Variants in PPP1R12B observed in about 807,000 individuals in gnomAD.
The protein encoded by PPP1R12B is myosin phosphatase target subunit 2.
In PPP1R12B, 76 loss-of-function variants were observed where a neutral mutation model predicts 126.1. That is an observed-to-expected ratio of 0.60 (90% confidence interval 0.50 to 0.73). The LOEUF (loss-of-function observed/expected upper bound fraction) is 0.73, where lower values mean the gene tolerates loss of function less well. PPP1R12B is among the 30% of genes least tolerant of loss of function. The pLI is 0.00. For missense variants in PPP1R12B, 1,052 were observed against 1,205.1 expected (o/e 0.87, Z 1.88); for synonymous variants, 356 against 434.7 (o/e 0.82, Z 2.25).
intron 3 of PPP1R12B, among the ~76,000 whole-genome samples, chr1:202,422,970 G>T (rs534205834): frequency 6.6e-6 from 1 of 152,206 alleles, no homozygotes; most frequent in Admixed American, 6.5e-5. Flanking sequence ...CCATTCAGAG[G>T]TTGCATACCC....
intron 18 of PPP1R12B, among the ~76,000 whole-genome samples, chr1:202,499,109 G>T (rs1293918772): frequency 1.3e-5 from 2 of 151,958 alleles, no homozygotes; most frequent in Non-Finnish European, 2.9e-5. Flanking sequence ...CCCAAATCAA[G>T]ATATAGAACT....
intron 23 of PPP1R12B, chr1:202,574,955 T>C: frequency 1.3e-6 from 2 of 1,521,336 alleles, no homozygotes; most frequent in Non-Finnish European, 1.8e-6. Context: ...CTGTCTTGTC[T>C]CTCTCTGTCT....
chr1:202,450,840 G>T (rs1672831876), intron 13 of PPP1R12B, among the ~76,000 whole-genome samples: 1 of 152,096 alleles, frequency 6.6e-6, no homozygotes, highest in Non-Finnish European at 1.5e-5. Context: ...TTGCTATTCT[G>T]GGTCTTTTGT....
intron 18 of PPP1R12B, among the ~76,000 whole-genome samples, chr1:202,545,012 C>T (rs1157062354): frequency 6.6e-6 from 1 of 152,206 alleles, no homozygotes; most frequent in Non-Finnish European, 1.5e-5. Context: ...AAGTACCAAA[C>T]AGTTATTTAG....
chr1:202,539,365 T>C (rs911766443), intron 18 of PPP1R12B, among the ~76,000 whole-genome samples: 2 of 152,102 alleles, frequency 1.3e-5, no homozygotes, highest in Non-Finnish European at 2.9e-5. Flanking sequence ...TGCCCTTGGC[T>C]CCTCTCCAGC....
intron 1 of PPP1R12B, among the ~76,000 whole-genome samples, chr1:202,382,502 A>AAG (rs201434454): frequency 6.6e-6 from 1 of 151,076 alleles, no homozygotes; most frequent in Non-Finnish European, 1.5e-5. Context: ...AAAAAAAAAA[A>AAG]GAAACAAATC....
At chr1:202,559,697 T>A (rs1381082032) in intron 19 of PPP1R12B, among the ~76,000 whole-genome samples, 2 of 152,188 alleles carry the variant, frequency 1.3e-5, no homozygotes, top group Non-Finnish European at 2.9e-5. Context: ...TATAATTTGT[T>A]TGGTATTGAG....
chr1:202,453,219 C>T (rs961214945), intron 13 of PPP1R12B, among the ~76,000 whole-genome samples: 1 of 152,016 alleles, frequency 6.6e-6, no homozygotes, highest in African/African-American at 2.4e-5. Flanking sequence ...AATGCTATTT[C>T]AGCATCAATT....
chr1:202,562,862 G>C lies in PPP1R12B; in HGVS notation c.2592G>C (p.Glu864Asp), dbSNP rs145788398. ...ASARARREAR[E>D]ARLATLTSRV... is the part of the protein sequence containing the mutation. ...CAAGAGCCCGTCGGGAGGCCCGGGA[G>C]GCCCGCCTAGCCACCCTGACCAGCC... Residue 864 changes from glutamate to aspartate, a missense_variant, in exon 20 of 24, where the codon GAG becomes GAC. Physicochemically the swap from Glu to Asp is conservative, Grantham distance 45 (BLOSUM62 2). Transcript: ENST00000608999. 1 of 1,612,948 alleles carries C rather than the reference G, an allele frequency of 6.2e-7. No homozygotes were observed. The highest frequency in any genetic ancestry group is 1.3e-5 in the African/African-American group (1 of 74,966).
chr1:202,470,578 T>C (rs1259800921), intron 13 of PPP1R12B, among the ~76,000 whole-genome samples: 1 of 152,196 alleles, frequency 6.6e-6, no homozygotes, highest in Non-Finnish European at 1.5e-5. Context: ...TTTGAGATCA[T>C]GCTATATATG....
At chr1:202,392,528 CT>C (rs923432085) in intron 1 of PPP1R12B, among the ~76,000 whole-genome samples, 62 of 142,206 alleles carry the variant, frequency 4.4e-4, no homozygotes, top group Admixed American at 5.6e-4. Context: ...TTTTTTTTTT[CT>C]TTTTTTTTTT....
intron 13 of PPP1R12B, among the ~76,000 whole-genome samples, chr1:202,455,620 A>G (rs936090784): frequency 5.3e-5 from 8 of 152,222 alleles, no homozygotes; most frequent in African/African-American, 7.2e-5. Context: ...TCATAAGTCA[A>G]TGGACACTTG....
At chr1:202,520,402 C>G (rs1260838711) in intron 18 of PPP1R12B, among the ~76,000 whole-genome samples, 1 of 152,214 alleles carries the variant, frequency 6.6e-6, no homozygotes, top group African/African-American at 2.4e-5. Flanking sequence ...TGCAGTGGCT[C>G]TTTCTGGTGC....
intron 1 of PPP1R12B, among the ~76,000 whole-genome samples, chr1:202,410,988 A>C (rs1210681041): frequency 1.3e-5 from 2 of 152,170 alleles, no homozygotes; most frequent in Non-Finnish European, 2.9e-5. Flanking sequence ...CCTGCTTCCC[A>C]AGAAAAGGAA....
chr1:202,468,845 T>C (rs1675446867), intron 13 of PPP1R12B, among the ~76,000 whole-genome samples: 1 of 152,062 alleles, frequency 6.6e-6, no homozygotes, highest in Non-Finnish European at 1.5e-5. Context: ...TCCTAGCTAC[T>C]TGAGAGGCTG....
At chr1:202,381,434 G>GTGTGTGTATGTA (rs71142528) in intron 1 of PPP1R12B, among the ~76,000 whole-genome samples, 11 of 131,126 alleles carry the variant, frequency 8.4e-5, no homozygotes, top group African/African-American at 2.7e-4. Flanking sequence ...GTGTGTGTGT[G>GTGTGTGTATGTA]TGTATCATCC....
At chr1:202,440,672 C>T (rs1671487249) in intron 10 of PPP1R12B, 34 bp from the exon 11 acceptor site, 3 of 1,514,698 alleles carry the variant, frequency 2.0e-6, no homozygotes, top group Non-Finnish European at 2.7e-6. Context: ...CAGTATTGTA[C>T]CTTTCTTGTG....
At chr1:202,406,787 G>C (rs1666659496) in intron 1 of PPP1R12B, among the ~76,000 whole-genome samples, 1 of 152,080 alleles carries the variant, frequency 6.6e-6, no homozygotes, top group African/African-American at 2.4e-5. Context: ...CCATTACTTA[G>C]TGTGTCTCAG....
intron 1 of PPP1R12B, among the ~76,000 whole-genome samples, chr1:202,350,678 T>C (rs1023937981): frequency 3.3e-5 from 5 of 152,006 alleles, no homozygotes; most frequent in Admixed American, 1.3e-4. Context: ...TGGAGTGCAA[T>C]GGCGAGATCT....
Sources: gnomAD v4.1 joint callset for allele counts (sites outside exome capture counted in the v4.1 genomes callset) on GRCh38, gnomAD v4.1.1 for gene constraint, MANE v1.5 for transcripts, NCBI Gene and HGNC (gene_info 2026-07-23, HGNC 2026-07-21) for gene names.